The following ATP2B2 variants were observed in gnomAD, a reference collection of about 807,000 sequenced individuals.
ATP2B2 encodes plasma membrane calcium-transporting ATPase 2.
Under a neutral mutation model 120.0 loss-of-function variants are expected in ATP2B2, and 15 were observed. That is an observed-to-expected ratio of 0.12 (90% CI 0.08 to 0.19). The LOEUF is 0.19. Ranked by LOEUF, ATP2B2 falls within the 10% of genes least tolerant of loss-of-function variation. ATP2B2 has a pLI of 1.00. For missense variants in ATP2B2, 1,045 were observed against 1,719.8 expected (o/e 0.61, Z 6.94); for synonymous variants, 694 against 700.3 (o/e 0.99, Z 0.14).
At chr3:10,527,198 C>T (rs2067114347) in intron 3 of ATP2B2, among the ~76,000 whole-genome samples, 1 of 152,216 alleles carries the variant, frequency 6.6e-6, no homozygotes, top group Non-Finnish European at 1.5e-5. Flanking sequence ...CTGAGGGCGG[C>T]TCCCATGTTC....
chr3:10,412,368 T>G (rs1468502569), intron 2 of ATP2B2, among the ~76,000 whole-genome samples: 1 of 152,170 alleles, frequency 6.6e-6, no homozygotes, highest in Non-Finnish European at 1.5e-5. Context: ...ACTCCCTCTG[T>G]CCACTGTCTG....
At chr3:10,409,208 A>G (rs982683919) in intron 3 of ATP2B2, among the ~76,000 whole-genome samples, 3 of 152,248 alleles carry the variant, frequency 2.0e-5, no homozygotes, top group Non-Finnish European at 2.9e-5. Flanking sequence ...AAACTTCTTC[A>G]AAGAAGGCTG....
chr3:10,471,438 A>ATG (rs911605822), intron 1 of ATP2B2, among the ~76,000 whole-genome samples: 15 of 149,846 alleles, frequency 1.0e-4, no homozygotes, highest in South Asian at 2.1e-4. Flanking sequence ...GCATGTGCAG[A>ATG]TGTGTGTGTG....
At chr3:10,460,228 A>G (rs1453353655) in intron 1 of ATP2B2, among the ~76,000 whole-genome samples, 3 of 152,196 alleles carry the variant, frequency 2.0e-5, no homozygotes, top group Non-Finnish European at 4.4e-5. Flanking sequence ...TGACTAACCT[A>G]GGCTGGGAGT....
At chr3:10,363,866 T>C (rs1408211338) in intron 12 of ATP2B2, among the ~76,000 whole-genome samples, 1 of 152,184 alleles carries the variant, frequency 6.6e-6, no homozygotes, top group African/African-American at 2.4e-5. Context: ...ATCCAGAAAG[T>C]CTGATTCTGG....
At chr3:10,396,212 A>G (rs2062030375) in intron 5 of ATP2B2, among the ~76,000 whole-genome samples, 1 of 152,228 alleles carries the variant, frequency 6.6e-6, no homozygotes, top group Non-Finnish European at 1.5e-5. Flanking sequence ...ACAGCACCTC[A>G]CAACCGCAGG....
intron 3 of ATP2B2, among the ~76,000 whole-genome samples, chr3:10,409,513 G>A (rs1310287015): frequency 6.6e-6 from 1 of 152,154 alleles, no homozygotes; most frequent in African/African-American, 2.4e-5. Context: ...ATTACAGCTG[G>A]TTTCTTTGCT....
intron 2 of ATP2B2, among the ~76,000 whole-genome samples, chr3:10,604,601 C>T (rs1463561968): frequency 6.6e-6 from 1 of 152,224 alleles, no homozygotes; most frequent in Non-Finnish European, 1.5e-5. Context: ...TGGCAGCCCC[C>T]TTCTATTCTG....
In ATP2B2 at chr3:10,385,225, C is replaced by T. The variant is rs368854919; in HGVS notation, c.1000+43G>A. ...CCAAAGTTGGGGTGGGGGTGAGAGA[C>T]GCCCATCCAACCATGACCAGGAGCT... On this transcript the variant is annotated intron_variant, in intron 8 of 22. Transcript: ENST00000360273. 5.3e-5 allele frequency: 84 copies of T among 1,594,710 alleles called. No homozygotes were observed. The African/African-American group carries it at 5.6e-4, about 11-fold the overall frequency.
intron 5 of ATP2B2, among the ~76,000 whole-genome samples, chr3:10,393,039 T>G (rs2061908032): frequency 6.6e-6 from 1 of 152,032 alleles, no homozygotes; most frequent in Non-Finnish European, 1.5e-5. Context: ...ACAGACATGG[T>G]GGGGTGTCAA....
At chr3:10,419,179 T>C (rs988930093) in intron 2 of ATP2B2, among the ~76,000 whole-genome samples, 14 of 152,162 alleles carry the variant, frequency 9.2e-5, no homozygotes, top group African/African-American at 3.4e-4. Flanking sequence ...GGACCAGAGA[T>C]GGGGATGTGT....
intron 2 of ATP2B2, among the ~76,000 whole-genome samples, chr3:10,554,279 TCA>T (rs2125518456): frequency 6.6e-6 from 1 of 152,242 alleles, no homozygotes; most frequent in African/African-American, 2.4e-5. Context: ...CAGAAATGTC[TCA>T]GTTTCCAGGT....
intron 2 of ATP2B2, among the ~76,000 whole-genome samples, chr3:10,553,312 A>G (rs1182673408): frequency 1.3e-5 from 2 of 152,236 alleles, no homozygotes; most frequent in Non-Finnish European, 2.9e-5. Context: ...GGTTTGCCTC[A>G]GTTTCCTCAG....
intron 1 of ATP2B2, among the ~76,000 whole-genome samples, chr3:10,654,970 C>A (rs185890203): frequency 1.2e-4 from 18 of 152,170 alleles, no homozygotes; most frequent in Non-Finnish European, 2.2e-4. Flanking sequence ...GGGCTGTCAG[C>A]GGGGGCCTCT....
chr3:10,346,277 T>C lies in ATP2B2; in HGVS notation c.2405-140A>G. The C allele has an allele frequency of 2.4e-6, 2 of 820,386 alleles. No individual in the cohort carries two copies. The highest frequency in any genetic ancestry group is 4.1e-5 in the Admixed American group (2 of 48,800). 50.8% of individuals were successfully genotyped at this position (820,386 alleles called of 1,614,324 possible). On this transcript the variant is annotated intron_variant, in intron 16 of 22. Transcript: ENST00000360273. This position sits in a 1 kb window ranked among gnomAD's most constrained non-coding sequence, Gnocchi z 4.1. Reference sequence around the variant, plus strand: ...CCAGCCGCCCCCTCCATCCAGGCTCTTCCCAGCTCCAGGCTGGCCTATAGC... The same window carrying C: ...CCAGCCGCCCCCTCCATCCAGGCTCCTCCCAGCTCCAGGCTGGCCTATAGC...
At chr3:10,510,663 G>A (rs962722741) in intron 3 of ATP2B2, among the ~76,000 whole-genome samples, 1 of 152,232 alleles carries the variant, frequency 6.6e-6, no homozygotes, top group Non-Finnish European at 1.5e-5. Flanking sequence ...AGAGCCATGA[G>A]CTCACAGTGT....
At chr3:10,331,268 C>T (rs948388156) in intron 22 of ATP2B2, among the ~76,000 whole-genome samples, 1 of 152,210 alleles carries the variant, frequency 6.6e-6, no homozygotes, top group Admixed American at 6.5e-5. Flanking sequence ...AAAAGTGAGC[C>T]GTTACACCTT....
At chr3:10,403,984 A>G (rs1253862361) in intron 3 of ATP2B2, among the ~76,000 whole-genome samples, 1 of 152,056 alleles carries the variant, frequency 6.6e-6, no homozygotes, top group African/African-American at 2.4e-5. Context: ...GCTTCAAGAG[A>G]CCCCAGTGGA....
intron 5 of ATP2B2, chr3:10,394,558 T>A (rs1284976846): frequency 2.2e-6 from 1 of 461,432 alleles, no homozygotes; most frequent in African/African-American, 2.0e-5. Flanking sequence ...ATGGAGAGAG[T>A]GCGGGCCGAG....
Sources: allele counts gnomAD v4.1 joint callset (sites outside exome capture counted in the v4.1 genomes callset), GRCh38; gene constraint gnomAD v4.1.1; non-coding constraint Gnocchi (gnomAD v3.1); transcripts MANE v1.5; gene names NCBI Gene and HGNC (gene_info 2026-07-23, HGNC 2026-07-21).